Variants in RBFOX1 observed in about 807,000 individuals in gnomAD.
RBFOX1 encodes RNA binding protein fox-1 homolog 1.
In RBFOX1, 8 loss-of-function variants were observed where a neutral mutation model predicts 57.7. That is an observed-to-expected ratio of 0.14 (90% CI 0.08 to 0.25). The LOEUF (loss-of-function observed/expected upper bound fraction) is 0.25, where lower values mean the gene tolerates loss of function less well. RBFOX1 is among the 10% of genes least tolerant of loss of function. The probability of loss-of-function intolerance (pLI) is 1.00; values close to 1 mark genes in which losing one functional copy is unlikely to be tolerated. For synonymous variants in RBFOX1, 326 were observed against 222.4 expected (o/e 1.47, Z -4.15); for missense variants, 611 against 548.5 (o/e 1.11, Z -1.14).
At chr16:6,300,812 A>G (rs1433751287) in intron 1 of RBFOX1, among the ~76,000 whole-genome samples, 7 of 152,176 alleles carry the variant, frequency 4.6e-5, no homozygotes, top group Non-Finnish European at 1.0e-4. Context: ...AAGTCAGGAT[A>G]CATTGCTCTT....
At position 7,273,393 on chromosome 16, in the gene RBFOX1, A is replaced by G. The variant is rs560557422; in HGVS notation, c.27+221295A>G. Among the ~76,000 whole-genome samples the G allele has an allele frequency of 4.5e-4, 68 of 152,176 alleles. 1 individual carries two copies. The highest frequency in any genetic ancestry group is 1.6e-3 in the Admixed American group (24 of 15,284). On this transcript the variant is annotated intron_variant, in intron 4 of 15. Transcript: ENST00000550418. ...ACCTCCTGTTGGACTGATATTCTGG[A>G]TAATGGCTTGGTGCCTTTCTAGCTT...
chr16:6,235,128 T>A (rs1301907375), intron 1 of RBFOX1, among the ~76,000 whole-genome samples: 1 of 152,158 alleles, frequency 6.6e-6, no homozygotes, highest in Non-Finnish European at 1.5e-5. Context: ...CACCTCTCCT[T>A]TTTGACTCAA....
intron 3 of RBFOX1, among the ~76,000 whole-genome samples, chr16:6,929,580 C>A (rs550895252): frequency 1.3e-5 from 2 of 152,120 alleles, no homozygotes; most frequent in East Asian, 3.9e-4. Flanking sequence ...CTGCATGGGG[C>A]CGGGGAAATT....
At chr16:7,456,337 G>C (rs1476584076) in intron 4 of RBFOX1, among the ~76,000 whole-genome samples, 1 of 152,166 alleles carries the variant, frequency 6.6e-6, no homozygotes, top group Non-Finnish European at 1.5e-5. Flanking sequence ...TCATTGTGAA[G>C]TGAATCACCT....
intron 4 of RBFOX1, among the ~76,000 whole-genome samples, chr16:7,447,212 A>T (rs944444979): frequency 6.6e-6 from 1 of 151,884 alleles, no homozygotes; most frequent in Non-Finnish European, 1.5e-5. Context: ...CTGGCAGATT[A>T]ATTGAGGTCA....
At chr16:5,663,331 G>A (rs1018442038) in intron 3 of RBFOX1, among the ~76,000 whole-genome samples, 1 of 151,886 alleles carries the variant, frequency 6.6e-6, no homozygotes, top group Non-Finnish European at 1.5e-5. Flanking sequence ...CCATTTCCCA[G>A]GTAGTTGAGA....
At chr16:5,875,537 C>T (rs773879516) in intron 4 of RBFOX1, among the ~76,000 whole-genome samples, 5 of 152,302 alleles carry the variant, frequency 3.3e-5, no homozygotes, top group Admixed American at 3.3e-4. Flanking sequence ...AGGCAATAAG[C>T]ATATTATTTG....
chr16:6,020,478 A>G (rs2095049187), intron 1 of RBFOX1, among the ~76,000 whole-genome samples: 1 of 152,116 alleles, frequency 6.6e-6, no homozygotes, highest in East Asian at 1.9e-4. Flanking sequence ...GAGGAGGGGA[A>G]GAGAAGGCTC....
chr16:6,875,295 T>G (rs1355351197), intron 3 of RBFOX1, among the ~76,000 whole-genome samples: 1 of 152,212 alleles, frequency 6.6e-6, no homozygotes, highest in Non-Finnish European at 1.5e-5. Context: ...CAACTCGTTA[T>G]GGTGGGGGTG....
At chr16:5,588,596 C>T (rs1301014437) in intron 2 of RBFOX1, among the ~76,000 whole-genome samples, 2 of 152,066 alleles carry the variant, frequency 1.3e-5, no homozygotes, top group African/African-American at 4.8e-5. Context: ...GACCGAGTTA[C>T]GTATTTAAGG....
At chr16:6,589,013 C>T (rs2097671931) in intron 2 of RBFOX1, among the ~76,000 whole-genome samples, 2 of 152,094 alleles carry the variant, frequency 1.3e-5, no homozygotes, top group African/African-American at 4.8e-5. Context: ...TCCATCATCC[C>T]TTCATCATTG....
intron 4 of RBFOX1, among the ~76,000 whole-genome samples, chr16:5,983,991 ATTC>A (rs964883472): frequency 9.5e-4 from 103 of 108,278 alleles, no homozygotes; most frequent in African/African-American, 2.0e-3. Context: ...TTCCTCCCAC[ATTC>A]TTCTTCTTCT....
chr16:6,281,199 C>T (rs2076343204), intron 1 of RBFOX1, among the ~76,000 whole-genome samples: 1 of 151,984 alleles, frequency 6.6e-6, no homozygotes, highest in South Asian at 2.1e-4. Flanking sequence ...AGCCAACTTT[C>T]AGAGGTGCTT....
At chr16:6,102,272 CA>C (rs2096321500) in intron 1 of RBFOX1, among the ~76,000 whole-genome samples, 1 of 151,456 alleles carries the variant, frequency 6.6e-6, no homozygotes, top group South Asian at 2.1e-4. Flanking sequence ...TCTTCCCTCT[CA>C]CTATCTTTCC....
chr16:5,630,457 GA>G (rs941385609), intron 3 of RBFOX1, among the ~76,000 whole-genome samples: 6 of 151,084 alleles, frequency 4.0e-5, no homozygotes, highest in Admixed American at 3.3e-4. Context: ...ACTCTGTCTC[GA>G]AAAAAAAGAA....
chr16:7,163,968 C>G (rs973323947), intron 4 of RBFOX1, among the ~76,000 whole-genome samples: 6 of 152,204 alleles, frequency 3.9e-5, no homozygotes, highest in African/African-American at 1.4e-4. Context: ...CCTGTTTTTT[C>G]TAATTTTAAT....
intron 3 of RBFOX1, among the ~76,000 whole-genome samples, chr16:6,991,517 A>G (rs891555234): frequency 3.9e-5 from 6 of 151,990 alleles, no homozygotes; most frequent in South Asian, 2.1e-4. Context: ...TCATCAACCC[A>G]CTTCTCAAAT....
chr16:6,704,193 G>C (rs2154144682), intron 3 of RBFOX1: 1 of 152,334 alleles, frequency 6.6e-6, no homozygotes, highest in Middle Eastern at 3.4e-3. Flanking sequence ...AAGGAAATGG[G>C]TCATGCAGGA....
chr16:6,347,632 G>A lies in RBFOX1; in HGVS notation c.-64+30575G>A, dbSNP rs1567986865. Among the ~76,000 whole-genome samples the A allele has an allele frequency of 3.3e-5, 5 of 152,142 alleles. No homozygotes were observed. The South Asian group carries it at 6.2e-4, about 19-fold the overall frequency. On this transcript the variant is annotated intron_variant, in intron 2 of 15. Transcript: ENST00000550418. ...AGACGGTTGGGTGAAGGAGACTGAA[G>A]TTTATCTTAGAGCAAGGAGAAACAA...
Sources: gnomAD v4.1 joint callset for allele counts (sites outside exome capture counted in the v4.1 genomes callset) on GRCh38, gnomAD v4.1.1 for gene constraint, MANE v1.5 for transcripts, NCBI Gene and HGNC (gene_info 2026-07-23, HGNC 2026-07-21) for gene names.